Variants in EGLN3 observed in about 807,000 individuals in gnomAD.
The protein encoded by EGLN3 is prolyl hydroxylase EGLN3.
EGLN3 carries 15 observed loss-of-function variants against 26.0 expected under a neutral mutation model. The observed-to-expected ratio is 0.58, with a 90% CI of 0.39 to 0.89. The LOEUF (loss-of-function observed/expected upper bound fraction) is 0.89, where lower values mean the gene tolerates loss of function less well. Ranked by LOEUF, EGLN3 falls within the 40% of genes least tolerant of loss-of-function variation. The probability of loss-of-function intolerance (pLI) is 0.00; values close to 1 mark genes in which losing one functional copy is unlikely to be tolerated. For synonymous variants in EGLN3, 147 were observed against 127.2 expected (o/e 1.16, Z -1.05); for missense variants, 238 against 311.6 (o/e 0.76, Z 1.78).
At position 33,950,982 on chromosome 14, in the gene EGLN3, C is replaced by A. The variant is rs937148455; in HGVS notation, c.-230G>T. The A allele has an allele frequency of 2.2e-4, 124 of 555,892 alleles. No individual in the cohort carries two copies. Among genetic ancestry groups the A allele is most frequent in the Admixed American group, 3.9e-4 (12 of 30,458 alleles). 34.4% of individuals were successfully genotyped at this position (555,892 alleles called of 1,614,324 possible). ...GGGAGTGGTGCGGAGCTCCACGACC[C>A]GTTTCCGGACTGGCCCGGCGAGCAG... is the stretch of plus-strand genomic sequence containing the variant. On this transcript the variant is annotated 5_prime_UTR_variant, in exon 1 of 5. Transcript: ENST00000250457.
At chr14:33,947,016 A>G (rs575765661) in intron 1 of EGLN3, among the ~76,000 whole-genome samples, 19 of 152,360 alleles carry the variant, frequency 1.2e-4, no homozygotes, top group African/African-American at 4.3e-4. Flanking sequence ...AGTGCATAGC[A>G]CAGTGCCAGA....
At chr14:33,946,382 A>G (rs1247232274) in intron 1 of EGLN3, among the ~76,000 whole-genome samples, 1 of 152,042 alleles carries the variant, frequency 6.6e-6, no homozygotes. Flanking sequence ...GTCTCAATAA[A>G]TAAATAAATA....
At chr14:33,936,882 G>T (rs983281450) in intron 1 of EGLN3, among the ~76,000 whole-genome samples, 1 of 151,782 alleles carries the variant, frequency 6.6e-6, no homozygotes, top group Non-Finnish European at 1.5e-5. Context: ...TTTCCACTTG[G>T]CTCTGACAAG....
chr14:33,931,276 A>G (rs761084975), intron 1 of EGLN3, 61 bp from the exon 2 acceptor site: 11 of 1,608,958 alleles, frequency 6.8e-6, no homozygotes, highest in Non-Finnish European at 9.3e-6. Context: ...TTCTCCTCCC[A>G]CTGGTGAGCA....
chr14:33,932,356 T>C (rs1030042722), intron 1 of EGLN3, among the ~76,000 whole-genome samples: 6 of 152,216 alleles, frequency 3.9e-5, no homozygotes, highest in African/African-American at 1.4e-4. Context: ...AAAAGACCTA[T>C]CTTCAAACAT....
At chr14:33,927,078 A>G in intron 3 of EGLN3, 45 bp from the exon 4 acceptor site, 2 of 1,390,582 alleles carry the variant, frequency 1.4e-6, no homozygotes, top group East Asian at 2.5e-5. Flanking sequence ...TAATGGTACT[A>G]CTAGAAACAC....
Position 33,950,853 on chromosome 14 carries a change from T to C in EGLN3, c.-101A>G, listed in dbSNP as rs2138832893. 3 of 1,082,204 alleles carry C rather than the reference T, an allele frequency of 2.8e-6. No homozygotes were observed. The highest frequency in any genetic ancestry group is 4.0e-6 in the Non-Finnish European group (3 of 742,600). The allele number at this position is 1,082,204 out of a possible 1,614,324, so 67.0% of individuals were successfully genotyped here. A position where few individuals can be genotyped will look rare whatever the true frequency, so the allele number is the denominator to read the frequency against. On this transcript the variant is annotated 5_prime_UTR_variant, in exon 1 of 5. Transcript: ENST00000250457. ...AGGCGCGGGGAGCGTGGCCCGGGGTTCAGAAACCTGCGGCTGCCACGGTAC... is the reference window on the plus strand; with the variant it reads ...AGGCGCGGGGAGCGTGGCCCGGGGTCCAGAAACCTGCGGCTGCCACGGTAC...
chr14:33,942,818 T>G (rs1384452124), intron 1 of EGLN3, among the ~76,000 whole-genome samples: 1 of 152,246 alleles, frequency 6.6e-6, no homozygotes, highest in Non-Finnish European at 1.5e-5. Flanking sequence ...GATAGGCACA[T>G]GTACTCCAGA....
At chr14:33,949,950 A>T (rs749157623) in intron 1 of EGLN3, 7 of 274,882 alleles carry the variant, frequency 2.5e-5, no homozygotes, top group Non-Finnish European at 4.8e-5. Context: ...CAGAATTCTG[A>T]GTGCTTTTGT....
rs2064410488 is a variant in EGLN3, at chr14:33,932,326, A to G, written c.358-1111T>C. On this transcript the variant is annotated intron_variant, in intron 1 of 4. Transcript: ENST00000250457. ...GTAAGTTCACATTTTACCTAGATCA[A>G]TAGCTATTTCTGTCATTTTAAAAGA... is the stretch of plus-strand genomic sequence containing the variant. Among the ~76,000 whole-genome samples the G allele has an allele frequency of 2.6e-5, 4 of 152,174 alleles. No homozygotes were observed. In the South Asian group the frequency reaches 8.3e-4, roughly 32 times the overall value.
intron 1 of EGLN3, 174 bp from the exon 2 acceptor site, chr14:33,931,389 A>C: frequency 2.4e-6 from 2 of 837,812 alleles, no homozygotes; most frequent in Non-Finnish European, 1.8e-6. Flanking sequence ...TCTGTGCACA[A>C]TGGCCAGGTC....
At chr14:33,938,894 A>G (rs1230709657) in intron 1 of EGLN3, among the ~76,000 whole-genome samples, 1 of 152,202 alleles carries the variant, frequency 6.6e-6, no homozygotes, top group Non-Finnish European at 1.5e-5. Context: ...TGGACCTAGA[A>G]GTTATCACAG....
At chr14:33,934,863 A>G (rs1488676507) in intron 1 of EGLN3, among the ~76,000 whole-genome samples, 1 of 152,250 alleles carries the variant, frequency 6.6e-6, no homozygotes, top group African/African-American at 2.4e-5. Context: ...TACTAATTAG[A>G]TCTCATTTTA....
chr14:33,927,535 T>G (rs2064371078), intron 3 of EGLN3, among the ~76,000 whole-genome samples: 1 of 152,174 alleles, frequency 6.6e-6, no homozygotes, highest in African/African-American at 2.4e-5. Context: ...GCATAAGGAA[T>G]TCCAGGTATG....
Position 33,929,082 on chromosome 14 carries a change from G to T in EGLN3, c.608C>A (p.Ala203Glu). The T allele has an allele frequency of 6.2e-7, 1 of 1,613,658 alleles. No homozygotes were observed. Among genetic ancestry groups the T allele is most frequent in the Non-Finnish European group, 8.5e-7 (1 of 1,179,944 alleles). ...TCATGGCTCCGGCTATTACCTGGTT[G>T]CGTAAGAGGGCTGCACTTCGTGTGG... is the stretch of plus-strand genomic sequence containing the variant. ...RNPHEVQPSY[A>E]TRYAMTVWYF... Residue 203 changes from alanine (A) to glutamate (E), a missense_variant, in exon 3 of 5, where the codon GCA (alanine) becomes GAA (glutamate). By Grantham distance (107) the Ala-to-Glu change is moderately radical (BLOSUM62 -1). Coordinates refer to ENST00000250457, the MANE Select transcript of EGLN3 (RefSeq NM_022073.4).
At chr14:33,947,563 C>T (rs1289543073) in intron 1 of EGLN3, among the ~76,000 whole-genome samples, 1 of 151,766 alleles carries the variant, frequency 6.6e-6, no homozygotes, top group Admixed American at 6.6e-5. Context: ...CCAAGTCTAG[C>T]AAAGAACAAA....
In EGLN3 at chr14:33,945,410, C is replaced by T. The variant is rs542820318; in HGVS notation, c.357+4986G>A. On this transcript the variant is annotated intron_variant, in intron 1 of 4. Transcript: ENST00000250457. Reference sequence around the variant, plus strand: ...ACATGCCTCCCACTGTGCCAGACTACGGCTGATAGATCCCTTGAGCCAAGG... The same window carrying T: ...ACATGCCTCCCACTGTGCCAGACTATGGCTGATAGATCCCTTGAGCCAAGG... Among the ~76,000 whole-genome samples the T allele has an allele frequency of 2.4e-4, 37 of 152,294 alleles. 1 individual carries two copies. The highest frequency in any genetic ancestry group is 4.1e-4 in the Non-Finnish European group (28 of 68,022).
intron 1 of EGLN3, among the ~76,000 whole-genome samples, chr14:33,933,193 G>T (rs867404724): frequency 1.1e-4 from 17 of 152,114 alleles, no homozygotes; most frequent in Middle Eastern, 3.4e-3. Context: ...TTACGCAGCT[G>T]TCAAAGGCCC....
chr14:33,926,862 G>A lies in EGLN3; in HGVS notation c.688+98C>T, dbSNP rs144111992. 268 of 837,698 alleles carry A rather than the reference G, an allele frequency of 3.2e-4. 1 individual carries two copies. The Middle Eastern group carries it at 6.3e-3, about 20-fold the overall frequency. 51.9% of individuals were successfully genotyped at this position (837,698 alleles called of 1,614,324 possible). ...ATGTCATTATATATAAAGCTAAGCC[G>A]TAACAGATTGAACAGAACATGTTTA... On this transcript the variant is annotated intron_variant, in intron 4 of 4. Coordinates refer to ENST00000250457, the MANE Select transcript of EGLN3 (RefSeq NM_022073.4).
Sources: allele counts gnomAD v4.1 joint callset (sites outside exome capture counted in the v4.1 genomes callset), GRCh38; gene constraint gnomAD v4.1.1; transcripts MANE v1.5; gene names NCBI Gene and HGNC (gene_info 2026-07-23, HGNC 2026-07-21).